The following IGFBP1 variants were observed in gnomAD, a reference collection of about 807,000 sequenced individuals.
IGFBP1 encodes insulin-like growth factor-binding protein 1.
A neutral mutation model predicts 23.1 loss-of-function variants in IGFBP1; 31 were observed. That is an observed-to-expected ratio of 1.34 (90% CI 1.01 to 1.81). The LOEUF is 1.81. IGFBP1 is among the 40% of genes most tolerant of loss of function. The pLI, the probability that IGFBP1 is intolerant of heterozygous loss-of-function variation, is 0.00. For missense variants in IGFBP1, 333 were observed against 342.2 expected, an observed-to-expected ratio of 0.97 and a Z score of 0.21; for synonymous variants, 148 against 145.5, an observed-to-expected ratio of 1.02 and a Z score of -0.13.
In IGFBP1 at chr7:45,888,502, T is replaced by A. The variant is rs912336949; in HGVS notation, c.-151T>A. The A allele has an allele frequency of 9.2e-6, 6 of 654,120 alleles. No individual in the cohort carries two copies. The African/African-American group carries it at 1.1e-4, about 12-fold the overall frequency. 40.5% of individuals were successfully genotyped at this position (654,120 alleles called of 1,614,324 possible). ...GTCCAGCGAGCATCGGCCACCGCCA[T>A]CCCATCCAGCGAGCATCTGCCGCCG... On this transcript the variant is annotated 5_prime_UTR_variant, in exon 1 of 4. Transcript: ENST00000275525.
Position 45,890,440 on chromosome 7 carries a change from A to T in IGFBP1, c.350-108A>T, listed in dbSNP as rs1787059808. On this transcript the variant is annotated intron_variant, in intron 1 of 3. Transcript: ENST00000275525. ...GAAAATCAGGTTAGGGAATGTGGCC[A>T]TCCTCATGGCCCAGCCTGGTTTTGA... The T allele has an allele frequency of 2.5e-6, 3 of 1,203,246 alleles. No homozygotes were observed. In the Admixed American group the frequency reaches 7.3e-5, roughly 29 times the overall value. The allele number at this position is 1,203,246 out of a possible 1,614,324, so 74.5% of individuals were successfully genotyped here. A position where few individuals can be genotyped will look rare whatever the true frequency, so the allele number is the denominator to read the frequency against.
chr7:45,890,698 C>A lies in IGFBP1; in HGVS notation c.500C>A (p.Thr167Asn). 1.9e-6 allele frequency: 3 copies of A among 1,602,484 alleles called. No homozygotes were observed. Among genetic ancestry groups the A allele is most frequent in the African/African-American group, 1.3e-5 (1 of 74,136 alleles). ...GATGGCTCGAAGGCTCTCCATGTCACCAACATCAAAAAATGGAAGGTGAGG... is the reference window on the plus strand; with the variant it reads ...GATGGCTCGAAGGCTCTCCATGTCAACAACATCAAAAAATGGAAGGTGAGG... The part of the protein sequence containing the change: ...TYDGSKALHV[T>N]NIKKWKEPCR... Residue 167 changes from threonine (T) to asparagine (N), a missense_variant, in exon 2 of 4, where the codon ACC (threonine) becomes AAC (asparagine). Physicochemically the swap from Thr to Asn is moderately conservative, Grantham distance 65. Transcript: ENST00000275525.
intron 2 of IGFBP1, among the ~76,000 whole-genome samples, chr7:45,891,418 A>G (rs757701437): frequency 2.6e-5 from 4 of 152,278 alleles, no homozygotes; most frequent in African/African-American, 4.8e-5. Context: ...GAGAATAACG[A>G]TAAATGGAGG....
Position 45,890,561 on chromosome 7 carries a change from T to A in IGFBP1, c.363T>A (p.Pro121=). The A allele has an allele frequency of 6.2e-7, 1 of 1,609,876 alleles. No homozygotes were observed. The change falls in exon 2 of 4, where the codon CCT becomes CCA. Residue 121 remains proline (P), a synonymous_variant. Transcript: ENST00000275525. Reference sequence around the variant, plus strand: ...TTTCCTTTCCAGAGGCAGGGAGCCCTGAAAGCCCAGAGAGCACGGAGATAA... The same window carrying A: ...TTTCCTTTCCAGAGGCAGGGAGCCCAGAAAGCCCAGAGAGCACGGAGATAA... The part of the protein sequence containing the change: ...SAPHAAEAGS[P]ESPESTEITE...
At chr7:45,890,521 A>G (rs200332675) in intron 1 of IGFBP1, 27 bp from the exon 2 acceptor site, 2 of 1,586,580 alleles carry the variant, frequency 1.3e-6, no homozygotes, top group African/African-American at 2.7e-5. Context: ...GGGAGGGCTC[A>G]TGGGGTCTGC....
Position 45,888,915 on chromosome 7 carries a change from C to T in IGFBP1, c.263C>T (p.Pro88Leu), listed in dbSNP as rs773469271. 1.3e-6 allele frequency: 2 copies of T among 1,503,832 alleles called. No individual in the cohort carries two copies. Among genetic ancestry groups the T allele is most frequent in the South Asian group, 1.3e-5 (1 of 79,364 alleles). 93.2% of individuals were successfully genotyped at this position (1,503,832 alleles called of 1,614,324 possible). Residue 88 changes from proline to leucine, a missense_variant, in exon 1 of 4, where the codon CCG (proline) becomes CTG (leucine). By Grantham distance (98) the Pro-to-Leu change is moderately conservative. Coordinates refer to ENST00000275525, the MANE Select transcript of IGFBP1 (RefSeq NM_000596.4). ...CGGGGACTCAGTTGCCGCGCGCTGCCGGGGGAGCAGCAACCTCTGCACGCC... is the reference window on the plus strand; with the variant it reads ...CGGGGACTCAGTTGCCGCGCGCTGCTGGGGGAGCAGCAACCTCTGCACGCC... Reference protein sequence around the residue: ...CARGLSCRALPGEQQPLHALT... With the variant: ...CARGLSCRALLGEQQPLHALT...
Position 45,888,624 on chromosome 7 carries a change from C to T in IGFBP1, c.-29C>T, listed in dbSNP as rs371930012. 109 of 1,568,062 alleles carry T rather than the reference C, an allele frequency of 7.0e-5. No homozygotes were observed. Among genetic ancestry groups the T allele is most frequent in the Non-Finnish European group, 8.8e-5 (102 of 1,160,158 alleles). On this transcript the variant is annotated 5_prime_UTR_variant, in exon 1 of 4. Coordinates refer to ENST00000275525, the MANE Select transcript of IGFBP1 (RefSeq NM_000596.4). ...CCGCCGCCACCAGCCCAGAGAGCAT[C>T]GGCCCCTGTCTGCTGCTCGCGCCTG...
chr7:45,892,695 T>C (rs747921145), intron 3 of IGFBP1, among the ~76,000 whole-genome samples: 1 of 152,210 alleles, frequency 6.6e-6, no homozygotes, highest in Admixed American at 6.5e-5. Flanking sequence ...CATCAGGCTA[T>C]GAAGCAGACA....
chr7:45,890,855 G>A (rs1787069073), intron 2 of IGFBP1, 138 bp downstream of exon 2: 1 of 755,566 alleles, frequency 1.3e-6, no homozygotes, highest in African/African-American at 1.8e-5. Flanking sequence ...AAACCTAGTG[G>A]CCATTTCTCA....
rs369196046 is a variant in IGFBP1, at chr7:45,891,942, G to A, written c.530G>A (p.Arg177Gln). ...AAGTTATTCTCTTAGGAGCCCTGCC[G>A]AATAGAACTCTACAGAGTCGTAGAG... ...TNIKKWKEPC[R>Q]IELYRVVESL... The change falls in exon 3 of 4, where the codon CGA (arginine) becomes CAA (glutamine). Residue 177 changes from arginine (R) to glutamine (Q), a missense_variant. Physicochemically the swap from Arg to Gln is conservative, Grantham distance 43. Coordinates refer to ENST00000275525, the MANE Select transcript of IGFBP1 (RefSeq NM_000596.4). The A allele has an allele frequency of 2.4e-5, 39 of 1,612,616 alleles. No homozygotes were observed. The highest frequency in any genetic ancestry group is 5.3e-5 in the African/African-American group (4 of 74,842).
intron 1 of IGFBP1, among the ~76,000 whole-genome samples, chr7:45,889,443 G>A (rs1291945321): frequency 6.6e-6 from 1 of 152,204 alleles, no homozygotes. Flanking sequence ...CCTAAGAAGG[G>A]AATCCCTCCT....
chr7:45,890,549 G>T lies in IGFBP1; in HGVS notation c.351G>T (p.Glu117Asp), dbSNP rs1390110643. 6.2e-7 allele frequency: 1 copy of T among 1,607,246 alleles called. No individual in the cohort carries two copies. The highest frequency in any genetic ancestry group is 8.5e-7 in the Non-Finnish European group (1 of 1,177,270). Residue 117 changes from glutamate (E) to aspartate (D), a missense_variant and splice_region_variant, in exon 2 of 4, where the codon GAG becomes GAT. Transcript: ENST00000275525. ...ESDASAPHAA[E>D]AGSPESPEST... ...GGGTCTGCAATGTTTCCTTTCCAGA[G>T]GCAGGGAGCCCTGAAAGCCCAGAGA...
intron 2 of IGFBP1, 46 bp downstream of exon 2, chr7:45,890,763 G>A (rs1198241011): frequency 4.6e-6 from 7 of 1,521,882 alleles, no homozygotes; most frequent in Non-Finnish European, 4.4e-6. Flanking sequence ...GTCAGAGGAT[G>A]TAGCTTGAGT....
In IGFBP1 at chr7:45,888,667, C is replaced by T. The variant is rs1787017623; in HGVS notation, c.15C>T (p.Pro5=). The change falls in exon 1 of 4, where the codon CCC becomes CCT. Residue 5 remains proline, a synonymous_variant. Transcript: ENST00000275525. ...CGCGCCTGGAGATGTCAGAGGTCCC[C>T]GTTGCTCGCGTCTGGCTGGTACTGC... The part of the protein sequence containing the change: MSEV[P]VARVWLVLLL... 6.3e-7 allele frequency: 1 copy of T among 1,597,940 alleles called. No individual in the cohort carries two copies. Among genetic ancestry groups the T allele is most frequent in the African/African-American group, 1.3e-5 (1 of 74,988 alleles).
intron 1 of IGFBP1, 52 bp downstream of exon 1, chr7:45,889,053 G>C (rs1170255553): frequency 7.4e-7 from 1 of 1,351,334 alleles, no homozygotes; most frequent in South Asian, 1.4e-5. Context: ...GCCCCCGCCC[G>C]GCACCTCCCG....
rs148297000 is a variant in IGFBP1 at position 45,888,669 on chromosome 7, T to A, written c.17T>A (p.Val6Asp). Reference protein sequence around the residue: MSEVPVARVWLVLLLL... With the variant: MSEVPDARVWLVLLLL... ...CGCCTGGAGATGTCAGAGGTCCCCG[T>A]TGCTCGCGTCTGGCTGGTACTGCTC... The change falls in exon 1 of 4, where the codon GTT becomes GAT. Residue 6 changes from valine (V) to aspartate (D), a missense_variant. Coordinates refer to ENST00000275525, the MANE Select transcript of IGFBP1 (RefSeq NM_000596.4). 2 of 1,597,978 alleles carry A rather than the reference T, an allele frequency of 1.3e-6. No homozygotes were observed. The highest frequency in any genetic ancestry group is 2.7e-5 in the African/African-American group (2 of 74,876).
intron 3 of IGFBP1, among the ~76,000 whole-genome samples, chr7:45,892,338 A>G (rs757831001): frequency 2.6e-5 from 4 of 152,248 alleles, no homozygotes; most frequent in Admixed American, 1.3e-4. Flanking sequence ...GCCAATAGCT[A>G]TGGAAGACTT....
At chr7:45,892,484 C>T (rs913256438) in intron 3 of IGFBP1, among the ~76,000 whole-genome samples, 1 of 152,188 alleles carries the variant, frequency 6.6e-6, no homozygotes, top group Non-Finnish European at 1.5e-5. Flanking sequence ...TCTAATAAAA[C>T]ACAACAACAT....
chr7:45,889,088 G>T, intron 1 of IGFBP1, 87 bp downstream of exon 1: 1 of 1,028,868 alleles, frequency 9.7e-7, no homozygotes. Flanking sequence ...ACTACTGGGT[G>T]GGGCTGCAGC....
Sources: allele counts gnomAD v4.1 joint callset (sites outside exome capture counted in the v4.1 genomes callset), GRCh38; gene constraint gnomAD v4.1.1; transcripts MANE v1.5; gene names NCBI Gene and HGNC (gene_info 2026-07-23, HGNC 2026-07-21).